RALYL: variants seen among roughly 807,000 people sequenced by gnomAD.
The protein encoded by RALYL is RALY RNA binding protein like.
Under a neutral mutation model 35.1 loss-of-function variants are expected in RALYL, and 29 were observed. The ratio of observed to expected loss-of-function variants is 0.83; its 90% CI spans 0.61 to 1.13. The LOEUF is 1.13. RALYL is among the 50% of genes most tolerant of loss of function. The pLI is 0.00. For missense variants in RALYL, 359 were observed against 360.4 expected (o/e 1.00, Z 0.03); for synonymous variants, 120 against 127.6 (o/e 0.94, Z 0.40).
At chr8:84,688,489 T>A (rs928182400) in intron 2 of RALYL, among the ~76,000 whole-genome samples, 1 of 152,080 alleles carries the variant, frequency 6.6e-6, no homozygotes, top group African/African-American at 2.4e-5. Flanking sequence ...ATCACTTCGA[T>A]AAGTGTTGCT....
intron 2 of RALYL, among the ~76,000 whole-genome samples, chr8:84,690,119 T>G (rs546929899): frequency 3.3e-5 from 5 of 152,226 alleles, no homozygotes; most frequent in Admixed American, 6.6e-5. Flanking sequence ...AGATATGAAA[T>G]CAACCTAAGT....
At chr8:84,431,649 A>G (rs1363557153) in intron 1 of RALYL, among the ~76,000 whole-genome samples, 4 of 152,048 alleles carry the variant, frequency 2.6e-5, no homozygotes, top group African/African-American at 9.7e-5. Context: ...GATCATGCAG[A>G]ATTTGTCTTT....
chr8:84,884,877 G>T (rs1842718338), intron 7 of RALYL, among the ~76,000 whole-genome samples: 1 of 152,008 alleles, frequency 6.6e-6, no homozygotes, highest in Non-Finnish European at 1.5e-5. Context: ...TGAACAAGCG[G>T]CAGGGTGACA....
chr8:84,311,090 A>AAAAAAAAAAAAAAATATAT (rs1554614840), intron 1 of RALYL, among the ~76,000 whole-genome samples: 3 of 99,720 alleles, frequency 3.0e-5, no homozygotes, highest in African/African-American at 7.2e-5. Flanking sequence ...AAAAAAAAAA[A>AAAAAAAAAAAAAAATATAT]ATGTATATTA....
intron 1 of RALYL, among the ~76,000 whole-genome samples, chr8:84,405,209 A>C (rs2043345437): frequency 1.3e-5 from 2 of 152,230 alleles, no homozygotes; most frequent in South Asian, 4.1e-4. Context: ...GAACACAGCT[A>C]AAGCAGTGTT....
intron 2 of RALYL, among the ~76,000 whole-genome samples, chr8:84,704,249 AC>A (rs907301774): frequency 2.0e-4 from 30 of 152,122 alleles, no homozygotes; most frequent in Middle Eastern, 3.2e-3. Flanking sequence ...ACATGGCGAA[AC>A]CCTGTCTCTA....
At chr8:84,261,280 G>T (rs902516038) in intron 1 of RALYL, among the ~76,000 whole-genome samples, 1 of 127,450 alleles carries the variant, frequency 7.8e-6, no homozygotes, top group Non-Finnish European at 1.7e-5. Flanking sequence ...TGGCTGTGTC[G>T]CCACAAAAAT....
chr8:84,769,527 G>A (rs536837558), intron 2 of RALYL, among the ~76,000 whole-genome samples: 17 of 152,244 alleles, frequency 1.1e-4, no homozygotes, highest in African/African-American at 3.9e-4. Flanking sequence ...GTGGGAAGCC[G>A]AGGCTGGAGG....
At chr8:84,901,892 T>A (rs1845761875) in intron 8 of RALYL, among the ~76,000 whole-genome samples, 1 of 152,130 alleles carries the variant, frequency 6.6e-6, no homozygotes, top group African/African-American at 2.4e-5. Context: ...AGGATCTATG[T>A]CTGGCCTTAG....
intron 2 of RALYL, among the ~76,000 whole-genome samples, chr8:84,559,775 G>A (rs1378524562): frequency 6.6e-6 from 1 of 151,964 alleles, no homozygotes; most frequent in African/African-American, 2.4e-5. Context: ...ATATGACCAA[G>A]CTGTGGTTGA....
intron 5 of RALYL, among the ~76,000 whole-genome samples, chr8:84,858,374 A>G (rs1166394524): frequency 6.6e-6 from 1 of 152,198 alleles, no homozygotes; most frequent in Non-Finnish European, 1.5e-5. Context: ...TGGCTTCATT[A>G]TAAACCATTA....
chr8:84,528,375 G>A (rs991394183), intron 1 of RALYL, among the ~76,000 whole-genome samples: 2 of 152,076 alleles, frequency 1.3e-5, no homozygotes, highest in African/African-American at 4.8e-5. Context: ...AGGAAGGAAG[G>A]AAGGAATTTT....
At chr8:84,704,452 C>CAG (rs1840788529) in intron 2 of RALYL, among the ~76,000 whole-genome samples, 1 of 134,292 alleles carries the variant, frequency 7.4e-6, no homozygotes, top group African/African-American at 3.1e-5. Flanking sequence ...CACAGACACA[C>CAG]ACACACACAC....
chr8:84,183,333 C>G lies in RALYL; in HGVS notation c.-1115C>G, dbSNP rs1477617111. ...CCGCTGCTGCCGCCACTGGTGTTGC[C>G]GCTCTCAGGCGCCAGGCTCCCCGTC... is the stretch of plus-strand genomic sequence containing the variant. On this transcript the variant is annotated 5_prime_UTR_variant, in exon 1 of 9. Coordinates refer to ENST00000521268, the MANE Select transcript of RALYL (RefSeq NM_173848.7). 6.5e-6 allele frequency: 1 copy of G among 154,390 alleles called. No individual in the cohort carries two copies. Among genetic ancestry groups the G allele is most frequent in the Non-Finnish European group, 1.4e-5 (1 of 69,192 alleles). The allele number at this position is 154,390 out of a possible 1,614,324, so 9.6% of individuals were successfully genotyped here. A position where few individuals can be genotyped will look rare whatever the true frequency, so the allele number is the denominator to read the frequency against.
At chr8:84,467,237 G>A (rs1406902841) in intron 1 of RALYL, among the ~76,000 whole-genome samples, 1 of 151,648 alleles carries the variant, frequency 6.6e-6, no homozygotes, top group African/African-American at 2.4e-5. Flanking sequence ...GTGATGTTAG[G>A]GTGTCAGTTT....
intron 3 of RALYL, among the ~76,000 whole-genome samples, chr8:84,804,016 G>T (rs1246044943): frequency 6.6e-6 from 1 of 152,024 alleles, no homozygotes; most frequent in Non-Finnish European, 1.5e-5. Context: ...TATTATCTAG[G>T]AACTATTTAG....
intron 1 of RALYL, among the ~76,000 whole-genome samples, chr8:84,357,839 GTAAT>G (rs1852181586): frequency 7.0e-6 from 1 of 143,806 alleles, no homozygotes; most frequent in African/African-American, 2.6e-5. Flanking sequence ...AAAGTTAAAA[GTAAT>G]TAATCTCAAA....
In RALYL at chr8:84,349,358, G is replaced by A. The variant is rs969783050; in HGVS notation, c.-24+164934G>A. On this transcript the variant is annotated intron_variant, in intron 1 of 8. Transcript: ENST00000521268. The stretch of plus-strand genomic sequence containing the variant: ...TTGTGAATTTTCATGAGTACTTCAC[G>A]TAGATTATACCCAGTTCTCACAGGA... Among the ~76,000 whole-genome samples the A allele has an allele frequency of 3.7e-4, 55 of 150,412 alleles. 5 individuals are homozygous for A. The highest frequency in any genetic ancestry group is 4.1e-4 in the Non-Finnish European group (28 of 67,682).
intron 2 of RALYL, among the ~76,000 whole-genome samples, chr8:84,706,970 A>G (rs994624090): frequency 3.3e-5 from 5 of 152,140 alleles, no homozygotes; most frequent in Non-Finnish European, 7.4e-5. Flanking sequence ...CAAAGTCTGT[A>G]CTTTTTCATT....
Sources: gnomAD v4.1 joint callset for allele counts (sites outside exome capture counted in the v4.1 genomes callset) on GRCh38, gnomAD v4.1.1 for gene constraint, MANE v1.5 for transcripts, NCBI Gene and HGNC (gene_info 2026-07-23, HGNC 2026-07-21) for gene names.